SLC30A10: variants seen among roughly 807,000 people sequenced by gnomAD.
The protein encoded by SLC30A10 is solute carrier family 30 member 10, also known as calcium/manganese antiporter SLC30A10.
A neutral mutation model predicts 21.7 loss-of-function variants in SLC30A10; 8 were observed. The ratio of observed to expected loss-of-function variants is 0.37; its 90% CI spans 0.22 to 0.67. The LOEUF (loss-of-function observed/expected upper bound fraction) is 0.67. Ranked by LOEUF, SLC30A10 falls within the 30% of genes least tolerant of loss-of-function variation. The pLI is 0.58. For synonymous variants in SLC30A10, 272 were observed against 279.4 expected (o/e 0.97, Z 0.26); for missense variants, 521 against 642.5 (o/e 0.81, Z 2.04).
intron 1 of SLC30A10, among the ~76,000 whole-genome samples, chr1:219,927,425 C>T (rs945658717): frequency 6.6e-6 from 1 of 151,680 alleles, no homozygotes; most frequent in Non-Finnish European, 1.5e-5. Flanking sequence ...ATTCAGACAG[C>T]AAGTAATGAG....
intron 3 of SLC30A10, among the ~76,000 whole-genome samples, 165 bp from the exon 4 acceptor site, chr1:219,916,113 A>T (rs752065235): frequency 3.9e-5 from 6 of 152,236 alleles, no homozygotes; most frequent in Non-Finnish European, 7.3e-5. Flanking sequence ...ATTTGCCCTT[A>T]ACCTTCTTTC....
chr1:219,923,472 T>C (rs1659743464), intron 2 of SLC30A10, among the ~76,000 whole-genome samples: 1 of 152,216 alleles, frequency 6.6e-6, no homozygotes. Context: ...CTGGAAATAG[T>C]GCATTTGCAC....
intron 2 of SLC30A10, among the ~76,000 whole-genome samples, chr1:219,926,365 T>A (rs780358336): frequency 5.9e-5 from 9 of 152,216 alleles, no homozygotes; most frequent in Non-Finnish European, 1.3e-4. Flanking sequence ...CTGGGATCAC[T>A]CTGAAGCAAA....
intron 1 of SLC30A10, among the ~76,000 whole-genome samples, chr1:219,936,308 A>G (rs1461374313): frequency 1.3e-5 from 2 of 152,202 alleles, no homozygotes; most frequent in African/African-American, 2.4e-5. Context: ...AATAAAAGGC[A>G]TTATTGCTGT....
chr1:219,921,477 G>C (rs1400803228), intron 2 of SLC30A10, among the ~76,000 whole-genome samples: 1 of 152,066 alleles, frequency 6.6e-6, no homozygotes, highest in Non-Finnish European at 1.5e-5. Context: ...TTTTCCTTCT[G>C]AGAAATCCCA....
upstream of SLC30A10, chr1:219,928,674 CT>C: frequency 2.2e-6 from 1 of 450,632 alleles, no homozygotes; most frequent in Non-Finnish European, 3.8e-6. This position sits in a 1 kb window ranked among gnomAD's most constrained non-coding sequence, Gnocchi z 6.3. Flanking sequence ...CGTGCACCGC[CT>C]CCCGCGGCCC....
chr1:219,955,934 A>G (rs1259680256), intron 1 of SLC30A10, among the ~76,000 whole-genome samples: 1 of 152,216 alleles, frequency 6.6e-6, no homozygotes, highest in African/African-American at 2.4e-5. Context: ...ATATGGATGG[A>G]TTAATCATAT....
intron 1 of SLC30A10, among the ~76,000 whole-genome samples, chr1:219,934,055 G>A (rs1259120166): frequency 3.9e-5 from 6 of 152,204 alleles, no homozygotes; most frequent in Admixed American, 1.3e-4. Context: ...TTGGAAGGCC[G>A]AGGCGGGTGG....
At chr1:219,919,869 T>G (rs11118457) in intron 2 of SLC30A10, among the ~76,000 whole-genome samples, 47,711 of 151,736 alleles carry the variant, frequency 0.31, 8,070 homozygotes, top group Non-Finnish European at 0.39. Flanking sequence ...TTAAGAAAGG[T>G]CTGCTTTGTC....
intron 2 of SLC30A10, chr1:219,919,180 A>G (rs1659616462): frequency 6.6e-6 from 1 of 152,260 alleles, no homozygotes; most frequent in South Asian, 2.1e-4. Flanking sequence ...ATTATGATAT[A>G]GAACACATGC....
chr1:219,931,669 T>G (rs907959358), upstream of SLC30A10, among the ~76,000 whole-genome samples: 1 of 152,040 alleles, frequency 6.6e-6, no homozygotes, highest in Non-Finnish European at 1.5e-5. Context: ...TTAGTAGAGA[T>G]AGGGTTTCAC....
At chr1:219,946,284 TTAC>T (rs1050537940) in intron 1 of SLC30A10, among the ~76,000 whole-genome samples, 1 of 152,178 alleles carries the variant, frequency 6.6e-6, no homozygotes, top group African/African-American at 2.4e-5. Context: ...ACTAGTATAC[TTAC>T]TCTTCTAACC....
At chr1:219,919,562 A>G (rs969712501) in intron 2 of SLC30A10, among the ~76,000 whole-genome samples, 7 of 151,998 alleles carry the variant, frequency 4.6e-5, no homozygotes, top group African/African-American at 1.7e-4. Flanking sequence ...GATCATCTGA[A>G]GTCAGGAGTT....
At chr1:219,920,483 C>T (rs1659652231) in intron 2 of SLC30A10, among the ~76,000 whole-genome samples, 1 of 152,138 alleles carries the variant, frequency 6.6e-6, no homozygotes, top group Admixed American at 6.5e-5. Flanking sequence ...CCGTAAGTAA[C>T]ATGAGGATCA....
chr1:219,955,913 T>C (rs532355844), intron 1 of SLC30A10, among the ~76,000 whole-genome samples: 132 of 152,354 alleles, frequency 8.7e-4, no homozygotes, highest in African/African-American at 3.0e-3. Context: ...AGTTTATAAC[T>C]CCTTTTATAA....
In SLC30A10 at chr1:219,927,638, T is replaced by TAAA. The variant is rs77015523; in HGVS notation, c.640+160_640+162dup. 9.4e-4 allele frequency among the ~76,000 whole-genome samples: 50 copies of TAAA among 53,390 alleles called. 1 individual carries two copies. The highest frequency in any genetic ancestry group is 1.4e-3 in the Non-Finnish European group (39 of 27,174). 35.0% of individuals were successfully genotyped at this position (53,390 alleles called of 152,430 possible). A position where few individuals can be genotyped will look rare whatever the true frequency, so the allele number is the denominator to read the frequency against. Reference sequence around the variant, plus strand: ...GGGATTGTAAAGGGAATGGATTTATTAAAAAAAAAAAAAAAAAAAAAAAAA... The same window carrying TAAA: ...GGGATTGTAAAGGGAATGGATTTATTAAAAAAAAAAAAAAAAAAAAAAAAAAAA... On this transcript the variant is annotated intron_variant, in intron 1 of 3. Transcript: ENST00000366926.
upstream of SLC30A10, chr1:219,928,748 T>C (rs142980777): frequency 1.9e-3 from 629 of 331,146 alleles, 3 homozygotes; most frequent in Non-Finnish European, 2.8e-3. This position sits in a 1 kb window ranked among gnomAD's most constrained non-coding sequence, Gnocchi z 6.3. Context: ...TGTCTCTCTT[T>C]GTGGGACAGG....
intron 1 of SLC30A10, among the ~76,000 whole-genome samples, chr1:219,954,671 A>C (rs1180027840): frequency 8.4e-6 from 1 of 119,008 alleles, no homozygotes; most frequent in African/African-American, 3.2e-5. Context: ...ACAGAGTGAG[A>C]CTCCATCTCA....
At chr1:219,954,573 G>A (rs1024164900) in intron 1 of SLC30A10, among the ~76,000 whole-genome samples, 1 of 150,420 alleles carries the variant, frequency 6.6e-6, no homozygotes, top group Admixed American at 6.7e-5. Context: ...CCAGTTACTT[G>A]GGAGGCCGAG....
Sources: gnomAD v4.1 joint callset for allele counts (sites outside exome capture counted in the v4.1 genomes callset) on GRCh38, gnomAD v4.1.1 for gene constraint, Gnocchi (gnomAD v3.1) non-coding constraint, MANE v1.5 for transcripts, NCBI Gene and HGNC (gene_info 2026-07-23, HGNC 2026-07-21) for gene names.